ZFAND1: variants seen among roughly 807,000 people sequenced by gnomAD.
ZFAND1 encodes the protein AN1-type zinc finger protein 1.
A neutral mutation model predicts 38.5 loss-of-function variants in ZFAND1; 40 were observed. The observed-to-expected ratio is 1.04, with a 90% CI of 0.81 to 1.35. ZFAND1 has a LOEUF of 1.35. ZFAND1 is among the 40% of genes most tolerant of loss of function. ZFAND1 has a pLI of 0.00. For missense variants in ZFAND1, 346 were observed against 316.3 expected (o/e 1.09, Z -0.71); for synonymous variants, 117 against 103.6 (o/e 1.13, Z -0.78).
intron 5 of ZFAND1, 109 bp downstream of exon 5, chr8:81,714,695 C>A: frequency 2.3e-6 from 2 of 880,156 alleles, no homozygotes; most frequent in Admixed American, 2.2e-5. Flanking sequence ...CAAGTTAATA[C>A]GAATACCACT....
chr8:81,709,575 A>C (rs1585923363), intron 6 of ZFAND1, among the ~76,000 whole-genome samples: 1 of 152,120 alleles, frequency 6.6e-6, no homozygotes, highest in African/African-American at 2.4e-5. Context: ...CACACATATA[A>C]CAAATACACT....
At chr8:81,717,975 T>C (rs1385559470) in intron 2 of ZFAND1, among the ~76,000 whole-genome samples, 2 of 152,092 alleles carry the variant, frequency 1.3e-5, no homozygotes, top group East Asian at 3.8e-4. Flanking sequence ...ATAACTTTTA[T>C]ATAAAATTCA....
rs1018628767 is a variant in ZFAND1, at chr8:81,702,238, A to C, written c.*457T>G. On this transcript the variant is annotated 3_prime_UTR_variant, in exon 8 of 8. Coordinates refer to ENST00000220669, the MANE Select transcript of ZFAND1 (RefSeq NM_024699.3). ...GCTCCATGATGCTAGGCTTGGCCAC[A>C]TGACTTGCTTAAAGCACGTATGATA... 1.3e-5 allele frequency: 2 copies of C among 152,554 alleles called. No individual in the cohort carries two copies. The highest frequency in any genetic ancestry group is 4.8e-5 in the African/African-American group (2 of 41,488). The allele number at this position is 152,554 out of a possible 1,614,324, so 9.5% of individuals were successfully genotyped here.
chr8:81,712,674 A>G (rs11783785), intron 6 of ZFAND1, among the ~76,000 whole-genome samples: 77,748 of 151,978 alleles, frequency 0.51, 21,190 homozygotes, highest in South Asian at 0.61. Flanking sequence ...TATTTATGGT[A>G]AGCATTATAG....
rs137969633 is a variant in ZFAND1, at chr8:81,702,439, T to C, written c.*256A>G. Reference sequence around the variant, plus strand: ...CATCCCCCACCAGGAAATACATCTTTGTTGTTGTCACTACAGCATAAACTA... The same window carrying C: ...CATCCCCCACCAGGAAATACATCTTCGTTGTTGTCACTACAGCATAAACTA... On this transcript the variant is annotated 3_prime_UTR_variant, in exon 8 of 8. Transcript: ENST00000220669. 5.9e-4 allele frequency: 127 copies of C among 215,024 alleles called. No individual in the cohort carries two copies. The highest frequency in any genetic ancestry group is 7.9e-4 in the Non-Finnish European group (87 of 110,562). The allele number at this position is 215,024 out of a possible 1,614,324, so 13.3% of individuals were successfully genotyped here. A position where few individuals can be genotyped will look rare whatever the true frequency, so the allele number is the denominator to read the frequency against.
chr8:81,701,499 G>A lies in ZFAND1; in HGVS notation c.*1196C>T, dbSNP rs1405562879. The A allele has an allele frequency of 2.0e-5, 3 of 151,996 alleles. No individual in the cohort carries two copies. Among genetic ancestry groups the A allele is most frequent in the Admixed American group, 6.6e-5 (1 of 15,244 alleles). The allele number at this position is 151,996 out of a possible 1,614,324, so 9.4% of individuals were successfully genotyped here. A position where few individuals can be genotyped will look rare whatever the true frequency, so the allele number is the denominator to read the frequency against. ...CTCAATATACTCCAATATTTGCTTT[G>A]TGTGGTAGTCTGAAACTGAACCCAC... On this transcript the variant is annotated 3_prime_UTR_variant, in exon 8 of 8. Transcript: ENST00000220669.
At chr8:81,704,538 CAAAAAAAA>C (rs58216047) in intron 6 of ZFAND1, among the ~76,000 whole-genome samples, 4 of 105,336 alleles carry the variant, frequency 3.8e-5, no homozygotes, top group East Asian at 3.7e-4. Flanking sequence ...GACCCTATTT[CAAAAAAAA>C]AAAAAAAAAA....
intron 6 of ZFAND1, chr8:81,708,874 C>A: frequency 9.6e-7 from 1 of 1,040,198 alleles, no homozygotes; most frequent in Non-Finnish European, 1.3e-6. Context: ...GCTGCAAGTA[C>A]TAAAGATGAT....
chr8:81,707,272 A>G (rs905639140), intron 6 of ZFAND1, among the ~76,000 whole-genome samples: 4 of 152,310 alleles, frequency 2.6e-5, no homozygotes, highest in South Asian at 2.1e-4. Flanking sequence ...GGAGGCCAAG[A>G]TGGTATAAAA....
intron 6 of ZFAND1, among the ~76,000 whole-genome samples, chr8:81,711,449 C>A (rs1227682530): frequency 6.6e-6 from 1 of 151,918 alleles, no homozygotes; most frequent in Non-Finnish European, 1.5e-5. Flanking sequence ...AATAAATTAC[C>A]ATTCTATGTG....
At position 81,721,223 on chromosome 8, in the gene ZFAND1, T is replaced by A. The variant is rs1370583494; in HGVS notation, c.55+4A>T. ...GGGATGGGGGCTGGAAGCTCCCGGA[T>A]CACCTCGCTGCCGGCAATGCTCCAC... On this transcript the variant is annotated splice_donor_region_variant and intron_variant, in intron 1 of 7. Transcript: ENST00000220669. The A allele has an allele frequency of 7.8e-6, 12 of 1,548,010 alleles. No individual in the cohort carries two copies. The East Asian group carries it at 2.9e-4, about 38-fold the overall frequency.
Position 81,702,844 on chromosome 8 carries a change from T to C in ZFAND1, c.658A>G (p.Thr220Ala). 6.3e-7 allele frequency: 1 copy of C among 1,596,596 alleles called. No individual in the cohort carries two copies. The highest frequency in any genetic ancestry group is 8.5e-7 in the Non-Finnish European group (1 of 1,173,526). ...TAKKLRLCHI[T>A]SGEALPLDHT... Reference sequence around the variant, plus strand: ...TCCAAGGGTAAGGCTTCTCCTGAAGTAATGTGACACAGCCTTAATTTCTGT... The same window carrying C: ...TCCAAGGGTAAGGCTTCTCCTGAAGCAATGTGACACAGCCTTAATTTCTGT... The change falls in exon 8 of 8, where the codon ACT (threonine) becomes GCT (alanine). Residue 220 changes from threonine to alanine, a missense_variant. Physicochemically the swap from Thr to Ala is moderately conservative, Grantham distance 58. Coordinates refer to ENST00000220669, the MANE Select transcript of ZFAND1 (RefSeq NM_024699.3).
At chr8:81,715,138 T>C (rs1036422731) in intron 3 of ZFAND1, 24 bp from the exon 4 acceptor site, 5 of 1,611,388 alleles carry the variant, frequency 3.1e-6, no homozygotes, top group Admixed American at 1.7e-5. Context: ...AAGGAGGAAA[T>C]GTATTACATT....
chr8:81,713,074 T>C (rs527604740), intron 6 of ZFAND1, among the ~76,000 whole-genome samples: 2 of 152,144 alleles, frequency 1.3e-5, no homozygotes, highest in African/African-American at 4.8e-5. Flanking sequence ...GATTGGAAAA[T>C]CAACCTGATA....
At chr8:81,710,345 A>T (rs1808105732) in intron 6 of ZFAND1, among the ~76,000 whole-genome samples, 1 of 152,220 alleles carries the variant, frequency 6.6e-6, no homozygotes, top group South Asian at 2.1e-4. Flanking sequence ...TTGCAATTTT[A>T]AAAAAATCAA....
chr8:81,703,395 T>C (rs561932175), intron 6 of ZFAND1, among the ~76,000 whole-genome samples: 70 of 148,432 alleles, frequency 4.7e-4, no homozygotes, highest in African/African-American at 1.7e-3. Context: ...TTCAACAGCT[T>C]AGGAGACAAA....
intron 2 of ZFAND1, 52 bp from the exon 3 acceptor site, chr8:81,717,340 G>A (rs755520852): frequency 2.7e-5 from 37 of 1,383,236 alleles, no homozygotes; most frequent in Non-Finnish European, 3.2e-5. Flanking sequence ...AAAGATAACT[G>A]CAGAAATTTG....
intron 6 of ZFAND1, among the ~76,000 whole-genome samples, chr8:81,707,176 A>C (rs934933617): frequency 6.6e-6 from 1 of 152,100 alleles, no homozygotes; most frequent in African/African-American, 2.4e-5. Flanking sequence ...CATAGAACCC[A>C]CTCAGGTATT....
At chr8:81,720,351 C>A (rs1193344839) in intron 1 of ZFAND1, among the ~76,000 whole-genome samples, 3 of 152,180 alleles carry the variant, frequency 2.0e-5, no homozygotes, top group South Asian at 4.1e-4. Context: ...TTAACTAATT[C>A]TCTCTAAAAT....
Sources: gnomAD v4.1 joint callset for allele counts (sites outside exome capture counted in the v4.1 genomes callset) on GRCh38, gnomAD v4.1.1 for gene constraint, MANE v1.5 for transcripts, NCBI Gene and HGNC (gene_info 2026-07-23, HGNC 2026-07-21) for gene names.